The following PTPRK variants were observed in gnomAD, a reference collection of about 807,000 sequenced individuals.
The protein encoded by PTPRK is protein tyrosine phosphatase receptor type K, also known as receptor-type tyrosine-protein phosphatase kappa.
In PTPRK, 75 loss-of-function variants were observed where a neutral mutation model predicts 178.0. The ratio of observed to expected loss-of-function variants is 0.42; its 90% CI spans 0.35 to 0.51. The LOEUF (loss-of-function observed/expected upper bound fraction) is 0.51, where lower values mean the gene tolerates loss of function less well. Ranked by LOEUF, PTPRK falls within the 20% of genes least tolerant of loss-of-function variation. The pLI, the probability that PTPRK is intolerant of heterozygous loss-of-function variation, is 0.02. For synonymous variants in PTPRK, 637 were observed against 620.6 expected (o/e 1.03, Z -0.39); for missense variants, 1,441 against 1,797.8 (o/e 0.80, Z 3.59).
At chr6:128,455,340 T>C (rs1480718263) in intron 1 of PTPRK, among the ~76,000 whole-genome samples, 4 of 152,198 alleles carry the variant, frequency 2.6e-5, no homozygotes, top group Non-Finnish European at 5.9e-5. Context: ...CATTTTCTTC[T>C]TAGTCTCATG....
chr6:128,351,102 T>C (rs1239503822), intron 2 of PTPRK, among the ~76,000 whole-genome samples: 1 of 152,304 alleles, frequency 6.6e-6, no homozygotes, highest in East Asian at 1.9e-4. Context: ...CATTCAGTCT[T>C]GGAGTTATAA....
At chr6:128,036,038 T>A (rs1776149972) in intron 13 of PTPRK, among the ~76,000 whole-genome samples, 1 of 152,222 alleles carries the variant, frequency 6.6e-6, no homozygotes. Context: ...AAATTACGTA[T>A]GTTGGTAAAT....
intron 1 of PTPRK, among the ~76,000 whole-genome samples, chr6:128,484,093 G>A (rs76770322): frequency 0.016 from 2,478 of 151,804 alleles, 31 homozygotes; most frequent in Non-Finnish European, 0.026. Context: ...TAATTAACTG[G>A]TAAATCCTAG....
intron 5 of PTPRK, among the ~76,000 whole-genome samples, chr6:128,231,139 G>T: frequency 6.6e-6 from 1 of 152,138 alleles, no homozygotes; most frequent in African/African-American, 2.4e-5. Flanking sequence ...GAAAGCAGAA[G>T]AAAAACCTTA....
chr6:128,153,309 G>A (rs1454144710), intron 7 of PTPRK, among the ~76,000 whole-genome samples: 1 of 151,690 alleles, frequency 6.6e-6, no homozygotes, highest in African/African-American at 2.4e-5. Context: ...AAAATCAGGC[G>A]ATTTCCTCAG....
intron 1 of PTPRK, among the ~76,000 whole-genome samples, chr6:128,485,860 CAAAG>C (rs537440671): frequency 2.2e-3 from 332 of 152,256 alleles, no homozygotes; most frequent in Non-Finnish European, 3.8e-3. Flanking sequence ...AATTGTAAAA[CAAAG>C]AAAAATCAGC....
chr6:128,279,519 C>A (rs1821345310), intron 3 of PTPRK, among the ~76,000 whole-genome samples: 1 of 152,122 alleles, frequency 6.6e-6, no homozygotes, highest in African/African-American at 2.4e-5. Context: ...GCTACTTCAA[C>A]AGGGATCAAT....
intron 6 of PTPRK, among the ~76,000 whole-genome samples, chr6:128,188,039 C>T (rs898972729): frequency 3.3e-5 from 5 of 152,024 alleles, no homozygotes; most frequent in African/African-American, 1.2e-4. Flanking sequence ...TATTAATATT[C>T]TTCATAACAA....
chr6:128,045,111 CTCAGAAATTTTCCACAAGTCA>C (rs1171582091), intron 13 of PTPRK, among the ~76,000 whole-genome samples: 1 of 152,018 alleles, frequency 6.6e-6, no homozygotes, highest in Non-Finnish European at 1.5e-5. Flanking sequence ...TTAATGACTT[CTCAGAAATTTTCCACAAGTCA>C]TCATCGCTGT....
intron 3 of PTPRK, among the ~76,000 whole-genome samples, chr6:128,285,814 AAAAT>A (rs200532531): frequency 2.6e-5 from 4 of 151,690 alleles, no homozygotes; most frequent in East Asian, 1.9e-4. Flanking sequence ...AAAAGTCTCC[AAAAT>A]AAATAAATAA....
chr6:128,410,379 T>C (rs1842166839), intron 1 of PTPRK, among the ~76,000 whole-genome samples: 1 of 152,166 alleles, frequency 6.6e-6, no homozygotes, highest in South Asian at 2.1e-4. Context: ...TCACCCTCAG[T>C]CCCCTTTAAC....
chr6:128,228,200 G>A lies in PTPRK; in HGVS notation c.694-9104C>T, dbSNP rs1050121299. The stretch of plus-strand genomic sequence containing the variant: ...ACAGTAAAGTCAACAGATGATTCCT[G>A]AATAATGAGTGAAAAAGGGGTAATT... On this transcript the variant is annotated intron_variant, in intron 5 of 29. Coordinates refer to ENST00000368226, the MANE Select transcript of PTPRK (RefSeq NM_002844.4). 2.0e-5 allele frequency among the ~76,000 whole-genome samples: 3 copies of A among 151,756 alleles called. No individual in the cohort carries two copies. In the South Asian group the frequency reaches 6.2e-4, roughly 32 times the overall value.
chr6:128,118,253 G>T (rs1791883521), intron 7 of PTPRK, among the ~76,000 whole-genome samples: 2 of 152,244 alleles, frequency 1.3e-5, no homozygotes, highest in African/African-American at 4.8e-5. Flanking sequence ...ACAAAGCTAG[G>T]TCACCGTGGA....
intron 1 of PTPRK, chr6:128,472,682 AATATTTCAATAATAT>A (rs1444393014): frequency 2.8e-6 from 1 of 353,908 alleles, no homozygotes; most frequent in African/African-American, 2.2e-5. Flanking sequence ...CTTTAACCCC[AATATTTCAATAATAT>A]ATATTTCCAA....
intron 13 of PTPRK, among the ~76,000 whole-genome samples, chr6:128,052,950 C>T (rs148887492): frequency 1.5e-3 from 229 of 152,086 alleles, no homozygotes; most frequent in African/African-American, 3.7e-3. Context: ...ATTTTTTTAG[C>T]GCTTTCTGGC....
At chr6:128,196,861 C>T (rs1401096650) in intron 6 of PTPRK, among the ~76,000 whole-genome samples, 1 of 152,124 alleles carries the variant, frequency 6.6e-6, no homozygotes, top group Non-Finnish European at 1.5e-5. Context: ...CTTTTCCACG[C>T]TCAGCCAGGT....
In PTPRK at chr6:127,982,943, G is replaced by C. The variant is rs753849275; in HGVS notation, c.3425C>G (p.Ala1142Gly). Residue 1142 changes from alanine to glycine, a missense_variant, in exon 24 of 30, where the codon GCC becomes GGC. Transcript: ENST00000368226. Reference sequence around the variant, plus strand: ...TATGGCAGTTTCTCCACATAAGCAGGCTTCTAAAATGGCATCATGAATAAA... The same window carrying C: ...TATGGCAGTTTCTCCACATAAGCAGCCTTCTAAAATGGCATCATGAATAAA... ...YIFIHDAILE[A>G]CLCGETAIPV... The C allele has an allele frequency of 6.2e-7, 1 of 1,613,166 alleles. No homozygotes were observed. The highest frequency in any genetic ancestry group is 8.5e-7 in the Non-Finnish European group (1 of 1,179,406).
intron 3 of PTPRK, among the ~76,000 whole-genome samples, chr6:128,280,235 G>A (rs1448046276): frequency 2.0e-5 from 3 of 152,030 alleles, no homozygotes; most frequent in Admixed American, 6.6e-5. Context: ...GGTATCCTAC[G>A]CCAGACTCTC....
chr6:128,304,860 T>C (rs1259697377), intron 3 of PTPRK, among the ~76,000 whole-genome samples: 1 of 152,192 alleles, frequency 6.6e-6, no homozygotes, highest in Admixed American at 6.5e-5. Flanking sequence ...GAAACTATTT[T>C]TTTAATAAAA....
Sources: allele counts gnomAD v4.1 joint callset (sites outside exome capture counted in the v4.1 genomes callset), GRCh38; gene constraint gnomAD v4.1.1; transcripts MANE v1.5; gene names NCBI Gene and HGNC (gene_info 2026-07-23, HGNC 2026-07-21).